The following USH2A variants were observed in gnomAD, a reference collection of about 807,000 sequenced individuals.
USH2A encodes Usher syndrome 2A (autosomal recessive, mild).
USH2A carries 443 observed loss-of-function variants against 538.9 expected under a neutral mutation model. The observed-to-expected ratio is 0.82, with a 90% CI of 0.76 to 0.89. The LOEUF (loss-of-function observed/expected upper bound fraction) is 0.89. USH2A is among the 40% of genes least tolerant of loss of function. The pLI is 0.00. For missense variants in USH2A, 6,633 were observed against 6,324.8 expected (o/e 1.05, Z -1.65); for synonymous variants, 2,413 against 2,273.5 (o/e 1.06, Z -1.75).
At chr1:216,315,241 T>C (rs1449001127) in intron 9 of USH2A, among the ~76,000 whole-genome samples, 1 of 152,188 alleles carries the variant, frequency 6.6e-6, no homozygotes, top group Non-Finnish European at 1.5e-5. Flanking sequence ...AATGGATTTC[T>C]GATTAAGTGG....
intron 61 of USH2A, among the ~76,000 whole-genome samples, chr1:215,715,165 T>A (rs984060817): frequency 6.6e-6 from 1 of 152,156 alleles, no homozygotes; most frequent in African/African-American, 2.4e-5. Flanking sequence ...TAGGCCCCAG[T>A]GTGGGTTGTT....
chr1:216,374,103 T>C (rs1204363019), intron 3 of USH2A, among the ~76,000 whole-genome samples: 1 of 69,624 alleles, frequency 1.4e-5, no homozygotes, highest in Non-Finnish European at 2.6e-5. Flanking sequence ...GGGACTTTTG[T>C]GGGGTGGGGG....
At chr1:216,059,657 A>AC (rs1028125524) in intron 30 of USH2A, among the ~76,000 whole-genome samples, 15 of 152,326 alleles carry the variant, frequency 9.8e-5, no homozygotes, top group Admixed American at 9.2e-4. Context: ...GCAAGGCTCT[A>AC]CCAAGACATT....
intron 21 of USH2A, among the ~76,000 whole-genome samples, chr1:216,115,591 T>A (rs981354111): frequency 1.3e-5 from 2 of 152,196 alleles, no homozygotes; most frequent in African/African-American, 4.8e-5. Flanking sequence ...TAAAAATGCT[T>A]CTTATTCAGA....
intron 2 of USH2A, among the ~76,000 whole-genome samples, chr1:216,419,559 G>T (rs377236932): frequency 6.6e-6 from 1 of 152,076 alleles, no homozygotes; most frequent in African/African-American, 2.4e-5. Context: ...AGGGTCGGTT[G>T]AGGGGTCTCA....
intron 18 of USH2A, among the ~76,000 whole-genome samples, chr1:216,197,373 C>T (rs546669353): frequency 3.3e-5 from 5 of 152,230 alleles, no homozygotes; most frequent in Admixed American, 3.3e-4. Flanking sequence ...GCTAGTGACC[C>T]ATAAGATTAC....
At position 215,781,995 on chromosome 1, in the gene USH2A, C is replaced by A. The variant is rs1192590541; in HGVS notation, c.10740+47G>T. ...GTCACAACCTGGATGTTCAGATAATCTTCACACTGAACCCCTTTTCCCAGA... is the reference window on the plus strand; with the variant it reads ...GTCACAACCTGGATGTTCAGATAATATTCACACTGAACCCCTTTTCCCAGA... On this transcript the variant is annotated intron_variant, in intron 54 of 71. Coordinates refer to ENST00000307340, the MANE Select transcript of USH2A (RefSeq NM_206933.4). 26 of 1,611,976 alleles carry A rather than the reference C, an allele frequency of 1.6e-5. No homozygotes were observed. The Admixed American group carries it at 4.3e-4, about 27-fold the overall frequency.
chr1:216,407,810 A>G (rs995509045), intron 3 of USH2A, among the ~76,000 whole-genome samples: 8 of 152,142 alleles, frequency 5.3e-5, no homozygotes, highest in African/African-American at 1.9e-4. Flanking sequence ...AAAATGATAT[A>G]ATATAAATGA....
intron 2 of USH2A, among the ~76,000 whole-genome samples, chr1:216,419,612 C>T (rs1317584252): frequency 6.6e-6 from 1 of 152,074 alleles, no homozygotes; most frequent in Non-Finnish European, 1.5e-5. Flanking sequence ...GGTAATAACA[C>T]TCATCCATCT....
At chr1:216,119,537 A>C (rs2033082987) in intron 21 of USH2A, among the ~76,000 whole-genome samples, 1 of 152,170 alleles carries the variant, frequency 6.6e-6, no homozygotes, top group African/African-American at 2.4e-5. Context: ...TGTTGTTTTA[A>C]AGTTCTACTA....
intron 27 of USH2A, among the ~76,000 whole-genome samples, chr1:216,075,393 A>G (rs1036064705): frequency 3.3e-5 from 5 of 152,184 alleles, no homozygotes; most frequent in Admixed American, 3.3e-4. Flanking sequence ...AAAAGGAGAA[A>G]GGGGATGTTT....
chr1:216,033,854 A>T (rs1423465832), intron 32 of USH2A, among the ~76,000 whole-genome samples: 1 of 152,180 alleles, frequency 6.6e-6, no homozygotes, highest in African/African-American at 2.4e-5. Flanking sequence ...CAAGAACAGC[A>T]AAAAAGTTTG....
intron 4 of USH2A, among the ~76,000 whole-genome samples, chr1:216,357,423 C>T (rs1293203209): frequency 6.6e-6 from 1 of 151,980 alleles, no homozygotes; most frequent in East Asian, 1.9e-4. Context: ...GTTTGTGTAT[C>T]TAGCAGAGGT....
At chr1:216,098,234 C>T (rs145479675) in intron 21 of USH2A, among the ~76,000 whole-genome samples, 19 of 152,316 alleles carry the variant, frequency 1.2e-4, no homozygotes, top group African/African-American at 4.6e-4. Context: ...TTGCTTAATG[C>T]ATTAAAACTG....
intron 37 of USH2A, among the ~76,000 whole-genome samples, chr1:215,950,396 G>A (rs144602978): frequency 2.0e-5 from 3 of 151,760 alleles, no homozygotes; most frequent in Non-Finnish European, 4.4e-5. Flanking sequence ...TATGATATGT[G>A]TTTGTAGTAA....
intron 32 of USH2A, among the ~76,000 whole-genome samples, chr1:216,026,395 T>C (rs544415599): frequency 6.6e-6 from 1 of 152,286 alleles, no homozygotes; most frequent in African/African-American, 2.4e-5. Context: ...GCAAATTTTG[T>C]GCTTATGAGC....
intron 15 of USH2A, among the ~76,000 whole-genome samples, chr1:216,210,635 T>C (rs1242491625): frequency 2.6e-5 from 4 of 152,172 alleles, no homozygotes; most frequent in African/African-American, 9.6e-5. Flanking sequence ...GTAATGACAG[T>C]CTCAAATAGT....
chr1:215,859,370 T>TA (rs1241954356), intron 44 of USH2A, among the ~76,000 whole-genome samples: 1 of 151,958 alleles, frequency 6.6e-6, no homozygotes, highest in Non-Finnish European at 1.5e-5. Flanking sequence ...CCGTCTCTAC[T>TA]AAAAATACAA....
intron 15 of USH2A, among the ~76,000 whole-genome samples, chr1:216,211,154 G>A (rs1292260103): frequency 2.0e-5 from 3 of 151,974 alleles, no homozygotes; most frequent in East Asian, 3.9e-4. Context: ...CTGTATCTTT[G>A]CAATATCCTG....
Sources: gnomAD v4.1 joint callset for allele counts (sites outside exome capture counted in the v4.1 genomes callset) on GRCh38, gnomAD v4.1.1 for gene constraint, MANE v1.5 for transcripts, NCBI Gene and HGNC (gene_info 2026-07-23, HGNC 2026-07-21) for gene names.